Variants in SEMA4D observed in about 807,000 individuals in gnomAD.
SEMA4D encodes semaphorin-4D.
Under a neutral mutation model 74.8 loss-of-function variants are expected in SEMA4D, and 22 were observed. The ratio of observed to expected loss-of-function variants is 0.29; its 90% CI spans 0.21 to 0.42. The LOEUF is 0.42. Among genes scored for constraint, SEMA4D ranks in the 10% least tolerant of loss-of-function variants. The pLI is 1.00. For synonymous variants in SEMA4D, 445 were observed against 463.7 expected (o/e 0.96, Z 0.52); for missense variants, 937 against 1,118.4 (o/e 0.84, Z 2.31).
chr9:89,493,324 A>C (rs994889877), intron 1 of SEMA4D, among the ~76,000 whole-genome samples: 2 of 152,208 alleles, frequency 1.3e-5, no homozygotes, highest in Admixed American at 6.5e-5. Flanking sequence ...GCAGGCGCAA[A>C]GGCAGGCGGC....
At chr9:89,429,176 C>A (rs1848722701) in intron 2 of SEMA4D, among the ~76,000 whole-genome samples, 1 of 152,218 alleles carries the variant, frequency 6.6e-6, no homozygotes, top group Admixed American at 6.5e-5. Context: ...GCCTGGCTCT[C>A]CTAACCTCCC....
intron 2 of SEMA4D, among the ~76,000 whole-genome samples, chr9:89,413,774 CCATA>C (rs1423641522): frequency 2.0e-5 from 3 of 152,230 alleles, no homozygotes; most frequent in African/African-American, 2.4e-5. Context: ...GTACATATAT[CCATA>C]CATATGTATC....
chr9:89,434,992 G>A (rs61495127), intron 2 of SEMA4D, among the ~76,000 whole-genome samples: 9,346 of 152,206 alleles, frequency 0.061, 526 homozygotes, highest in East Asian at 0.29. Context: ...TTTGAATGCT[G>A]CAACATAATT....
In SEMA4D at chr9:89,449,966, A is replaced by G. The variant is rs968590270; in HGVS notation, c.-244+5922T>C. 9.7e-6 allele frequency: 15 copies of G among 1,540,206 alleles called. No individual in the cohort carries two copies. In the African/African-American group the frequency reaches 2.0e-4, roughly 21 times the overall value. On this transcript the variant is annotated intron_variant, in intron 2 of 15. Coordinates refer to ENST00000422704, the MANE Select transcript of SEMA4D (RefSeq NM_001371194.2). ...ATGTAGCTCAGGGGACCCAAGTAAC[A>G]GGGAGGAAAGCAGATGTTATTAAGG...
At chr9:89,387,736 G>A (rs531927670) in intron 11 of SEMA4D, 128 bp from the exon 12 acceptor site, 4 of 717,444 alleles carry the variant, frequency 5.6e-6, no homozygotes, top group Middle Eastern at 3.9e-4. Flanking sequence ...CTTGAAATGA[G>A]GGTAGCAGTG....
intron 2 of SEMA4D, chr9:89,450,794 C>T: frequency 1.2e-6 from 1 of 814,844 alleles, no homozygotes; most frequent in Non-Finnish European, 2.0e-6. Context: ...CCTGCCTCAT[C>T]CCCTTCCCAC....
chr9:89,457,934 G>A (rs1450451960), intron 1 of SEMA4D, among the ~76,000 whole-genome samples: 1 of 151,918 alleles, frequency 6.6e-6, no homozygotes, highest in East Asian at 1.9e-4. Flanking sequence ...TTGGGAGGCT[G>A]AGACAGGAGA....
At chr9:89,480,970 C>T (rs1184403015) in intron 1 of SEMA4D, among the ~76,000 whole-genome samples, 1 of 152,266 alleles carries the variant, frequency 6.6e-6, no homozygotes, top group African/African-American at 2.4e-5. Context: ...TGCTAGCACG[C>T]TGTCACCTCT....
chr9:89,374,925 T>C (rs1220448254), downstream of SEMA4D, among the ~76,000 whole-genome samples: 1 of 152,260 alleles, frequency 6.6e-6, no homozygotes, highest in African/African-American at 2.4e-5. Flanking sequence ...TGGTGAGGTG[T>C]GCCTGTAATC....
At chr9:89,427,271 G>A (rs1848303876) in intron 2 of SEMA4D, among the ~76,000 whole-genome samples, 1 of 152,212 alleles carries the variant, frequency 6.6e-6, no homozygotes, top group African/African-American at 2.4e-5. Flanking sequence ...CAGAAGAGGG[G>A]GGCAGCCTAA....
At chr9:89,375,075 A>C (rs1020737750), downstream of SEMA4D, among the ~76,000 whole-genome samples, 7 of 152,108 alleles carry the variant, frequency 4.6e-5, no homozygotes, top group African/African-American at 7.2e-5. Context: ...ATAAATAACC[A>C]ACCAACATTG....
intron 1 of SEMA4D, among the ~76,000 whole-genome samples, chr9:89,460,726 T>C (rs1857004736): frequency 6.6e-6 from 1 of 152,162 alleles, no homozygotes; most frequent in Admixed American, 6.5e-5. Context: ...GAAGCAACAC[T>C]GAAGGTGAAC....
chr9:89,458,338 C>T (rs1856445710), intron 1 of SEMA4D, among the ~76,000 whole-genome samples: 1 of 152,146 alleles, frequency 6.6e-6, no homozygotes, highest in African/African-American at 2.4e-5. Context: ...ACACTGCAAC[C>T]GATACATACC....
intron 2 of SEMA4D, among the ~76,000 whole-genome samples, chr9:89,406,324 C>T (rs938833515): frequency 1.3e-5 from 2 of 152,216 alleles, no homozygotes; most frequent in Non-Finnish European, 2.9e-5. Context: ...CTCTTCCAGT[C>T]TCACTTAAAG....
Position 89,378,395 on chromosome 9 carries a change from C to T in SEMA4D, c.*309G>A. 2 of 293,204 alleles carry T rather than the reference C, an allele frequency of 6.8e-6. No individual in the cohort carries two copies. Among genetic ancestry groups the T allele is most frequent in the Non-Finnish European group, 1.3e-5 (2 of 155,966 alleles). 18.2% of individuals were successfully genotyped at this position (293,204 alleles called of 1,614,324 possible). A position where few individuals can be genotyped will look rare whatever the true frequency, so the allele number is the denominator to read the frequency against. ...CTCTTCTCAGCCAACAGAGGTCCAG[C>T]CACCTTTCCCCCACTACAGAAAGGG... On this transcript the variant is annotated 3_prime_UTR_variant, in exon 16 of 16. Transcript: ENST00000422704.
chr9:89,427,666 C>A (rs1481479320), intron 2 of SEMA4D, among the ~76,000 whole-genome samples: 1 of 152,236 alleles, frequency 6.6e-6, no homozygotes, highest in African/African-American at 2.4e-5. Flanking sequence ...TTTAGTGGGG[C>A]TGACTTCAAA....
chr9:89,387,267 G>T, intron 12 of SEMA4D, 119 bp downstream of exon 12: 1 of 821,706 alleles, frequency 1.2e-6, no homozygotes, highest in Non-Finnish European at 1.9e-6. Flanking sequence ...AAACCTCCCA[G>T]GTCACCTCGA....
chr9:89,482,609 C>T lies in SEMA4D; in HGVS notation c.-310+15310G>A, dbSNP rs117294691. On this transcript the variant is annotated intron_variant, in intron 1 of 15. Coordinates refer to ENST00000422704, the MANE Select transcript of SEMA4D (RefSeq NM_001371194.2). ...GGTGACACCAGCAGGAACGGACTCC[C>T]GGCCTGACACAATTCATGAATAAGG... Among the ~76,000 whole-genome samples the T allele has an allele frequency of 3.2e-4, 49 of 152,314 alleles. No individual in the cohort carries two copies. The East Asian group carries it at 9.1e-3, about 28-fold the overall frequency.
chr9:89,432,180 G>C (rs922182402), intron 2 of SEMA4D, among the ~76,000 whole-genome samples: 1 of 152,242 alleles, frequency 6.6e-6, no homozygotes, highest in Non-Finnish European at 1.5e-5. Flanking sequence ...CCATAAGACA[G>C]AGTTGGCCAC....
Sources: allele counts gnomAD v4.1 joint callset (sites outside exome capture counted in the v4.1 genomes callset), GRCh38; gene constraint gnomAD v4.1.1; transcripts MANE v1.5; gene names NCBI Gene and HGNC (gene_info 2026-07-23, HGNC 2026-07-21).